Variants in ASIC2 observed in about 807,000 individuals in gnomAD.
ASIC2 encodes the protein acid sensing ion channel subunit 2.
A neutral mutation model predicts 57.3 loss-of-function variants in ASIC2; 25 were observed. The ratio of observed to expected loss-of-function variants is 0.44; its 90% CI spans 0.32 to 0.61. ASIC2 has a LOEUF of 0.61. ASIC2 is among the 20% of genes least tolerant of loss of function. The pLI, the probability that ASIC2 is intolerant of heterozygous loss-of-function variation, is 0.06. For synonymous variants in ASIC2, 319 were observed against 307.5 expected (o/e 1.04, Z -0.39); for missense variants, 641 against 738.1 (o/e 0.87, Z 1.52).
chr17:33,409,890 C>T (rs1488553183), intron 1 of ASIC2, among the ~76,000 whole-genome samples: 1 of 152,206 alleles, frequency 6.6e-6, no homozygotes, highest in East Asian at 1.9e-4. Flanking sequence ...TCAGCCCACC[C>T]CCAGTTTCCA....
intron 1 of ASIC2, among the ~76,000 whole-genome samples, chr17:33,253,544 T>G (rs1475412151): frequency 1.3e-5 from 2 of 152,206 alleles, no homozygotes; most frequent in Non-Finnish European, 2.9e-5. Context: ...TCCTACTTAT[T>G]ACTACAGATG....
chr17:33,426,056 C>T (rs969124638), intron 1 of ASIC2, among the ~76,000 whole-genome samples: 1 of 152,142 alleles, frequency 6.6e-6, no homozygotes, highest in African/African-American at 2.4e-5. Context: ...ACCTGCCACT[C>T]AGCCAACCAG....
At chr17:33,365,377 G>T (rs1205067841) in intron 1 of ASIC2, among the ~76,000 whole-genome samples, 2 of 145,954 alleles carry the variant, frequency 1.4e-5, no homozygotes, top group Non-Finnish European at 3.0e-5. Flanking sequence ...GTAGTAACTG[G>T]GTCTTGTTTT....
intron 1 of ASIC2, among the ~76,000 whole-genome samples, chr17:33,307,634 C>T (rs1422256994): frequency 6.6e-6 from 1 of 152,192 alleles, no homozygotes; most frequent in East Asian, 1.9e-4. Flanking sequence ...TTAGACCTTG[C>T]TCAACATTCC....
chr17:33,311,843 C>G (rs906673456), intron 1 of ASIC2, among the ~76,000 whole-genome samples: 2 of 152,166 alleles, frequency 1.3e-5, no homozygotes, highest in African/African-American at 4.8e-5. Context: ...CTGGTTTCGA[C>G]TCTCATCTTT....
chr17:34,131,133 T>C (rs1911943332), intron 1 of ASIC2, among the ~76,000 whole-genome samples: 1 of 151,984 alleles, frequency 6.6e-6, no homozygotes, highest in South Asian at 2.1e-4. Flanking sequence ...AAAGAGTGAA[T>C]TGTATATTAC....
chr17:33,054,354 G>T (rs916470351), intron 3 of ASIC2, among the ~76,000 whole-genome samples: 2 of 152,116 alleles, frequency 1.3e-5, no homozygotes, highest in Non-Finnish European at 2.9e-5. Flanking sequence ...AGTTACCAAG[G>T]TAGCTTTCCC....
At chr17:33,496,658 C>T (rs1245222781) in intron 1 of ASIC2, among the ~76,000 whole-genome samples, 2 of 138,336 alleles carry the variant, frequency 1.4e-5, no homozygotes, top group Admixed American at 7.8e-5. Flanking sequence ...CACTCTGTCG[C>T]CCAGGCTGGA....
Position 33,464,583 on chromosome 17 carries a change from ATC to A in ASIC2, c.556-352518_556-352517del, listed in dbSNP as rs1321154527. Among the ~76,000 whole-genome samples the A allele has an allele frequency of 4.5e-3, 347 of 76,620 alleles. 3 individuals carry two copies. The highest frequency in any genetic ancestry group is 7.6e-3 in the Middle Eastern group (1 of 132). The allele number at this position is 76,620 out of a possible 152,430, so 50.3% of individuals were successfully genotyped here. A position where few individuals can be genotyped will look rare whatever the true frequency, so the allele number is the denominator to read the frequency against. On this transcript the variant is annotated intron_variant, in intron 1 of 9. Coordinates refer to the ASIC2 transcript ENST00000359872. ...CTTTCTTTTCTCTCTTTCTCTCTTT[ATC>A]TCTTTCTTTCTCTCTTTCTTCCTTT... is the stretch of plus-strand genomic sequence containing the variant.
At chr17:33,146,459 C>T (rs1904568661) in intron 1 of ASIC2, among the ~76,000 whole-genome samples, 1 of 152,096 alleles carries the variant, frequency 6.6e-6, no homozygotes, top group African/African-American at 2.4e-5. Context: ...CTAGGTCCTC[C>T]CAGAGGGCAC....
At chr17:33,139,324 G>A (rs1223721972) in intron 1 of ASIC2, among the ~76,000 whole-genome samples, 1 of 152,210 alleles carries the variant, frequency 6.6e-6, no homozygotes. Flanking sequence ...GAAACATGGT[G>A]AGGATGGAGC....
rs920085510 is a variant in ASIC2 at position 33,225,215 on chromosome 17, T to G, written c.708+66193A>C. ...GCCTGTGCTGTGGCAATGTTTGTTATAGCAAGAAACTGAAAACAATCCACG... is the reference window on the plus strand; with the variant it reads ...GCCTGTGCTGTGGCAATGTTTGTTAGAGCAAGAAACTGAAAACAATCCACG... On this transcript the variant is annotated intron_variant, in intron 1 of 9. Transcript: ENST00000225823. Among the ~76,000 whole-genome samples the G allele has an allele frequency of 1.3e-5, 2 of 152,212 alleles. 1 individual carries two copies. The highest frequency in any genetic ancestry group is 2.9e-5 in the Non-Finnish European group (2 of 68,036).
At chr17:33,901,972 TA>T (rs1485231708) in intron 1 of ASIC2, among the ~76,000 whole-genome samples, 1 of 152,212 alleles carries the variant, frequency 6.6e-6, no homozygotes, top group Non-Finnish European at 1.5e-5. Context: ...ATTTCCTTTT[TA>T]TTACGTCTTC....
intron 1 of ASIC2, among the ~76,000 whole-genome samples, chr17:34,120,388 T>C (rs1489584715): frequency 6.6e-6 from 1 of 152,144 alleles, no homozygotes; most frequent in Non-Finnish European, 1.5e-5. Context: ...TCTGATACAG[T>C]ATAGAGTGTG....
chr17:33,765,880 T>A lies in ASIC2; in HGVS notation c.555+390098A>T, dbSNP rs74503542. 1.8e-4 allele frequency among the ~76,000 whole-genome samples: 27 copies of A among 152,362 alleles called. No homozygotes were observed. The East Asian group carries it at 4.1e-3, about 23-fold the overall frequency. ...CTCCGCTGTACCGCACAGCCCCAGA[T>A]GTGGGCAATGTATTCCCCATGCAGT... On this transcript the variant is annotated intron_variant, in intron 1 of 9. Coordinates refer to the ASIC2 transcript ENST00000359872.
chr17:34,078,368 T>C (rs1320322343), intron 1 of ASIC2, among the ~76,000 whole-genome samples: 1 of 152,078 alleles, frequency 6.6e-6, no homozygotes, highest in African/African-American at 2.4e-5. Flanking sequence ...AGAAGGAAAG[T>C]AAACACAGCT....
At chr17:33,333,960 T>C (rs1252826316) in intron 1 of ASIC2, among the ~76,000 whole-genome samples, 1 of 152,196 alleles carries the variant, frequency 6.6e-6, no homozygotes, top group Non-Finnish European at 1.5e-5. Context: ...GCCTCTTCAG[T>C]GGTGTTGGCA....
At chr17:33,466,893 A>C (rs1479789021) in intron 1 of ASIC2, among the ~76,000 whole-genome samples, 1 of 152,244 alleles carries the variant, frequency 6.6e-6, no homozygotes, top group East Asian at 1.9e-4. Context: ...TAAAAACCCT[A>C]GAAGAAAACC....
At chr17:33,029,913 C>A (rs1271081695) in intron 3 of ASIC2, among the ~76,000 whole-genome samples, 1 of 152,150 alleles carries the variant, frequency 6.6e-6, no homozygotes, top group East Asian at 1.9e-4. Flanking sequence ...GTTGGTCATT[C>A]ATATATAATC....
Sources: allele counts gnomAD v4.1 joint callset (sites outside exome capture counted in the v4.1 genomes callset), GRCh38; gene constraint gnomAD v4.1.1; transcripts MANE v1.5; gene names NCBI Gene and HGNC (gene_info 2026-07-23, HGNC 2026-07-21).